Variants in SEC14L1 observed in about 807,000 individuals in gnomAD.
SEC14L1 encodes SEC14-like protein 1.
A neutral mutation model predicts 85.3 loss-of-function variants in SEC14L1; 48 were observed. The ratio of observed to expected loss-of-function variants is 0.56; its 90% confidence interval spans 0.45 to 0.72. The LOEUF is 0.72. Ranked by LOEUF, SEC14L1 falls within the 30% of genes least tolerant of loss-of-function variation. The pLI is 0.00. For missense variants in SEC14L1, 682 were observed against 921.4 expected (o/e 0.74, Z 3.36); for synonymous variants, 391 against 355.5 (o/e 1.10, Z -1.12).
rs1280650109 is a variant in SEC14L1 at position 77,196,185 on chromosome 17, T to C, written c.710-17T>C. On this transcript the variant is annotated splice_polypyrimidine_tract_variant and intron_variant, in intron 7 of 16. Coordinates refer to ENST00000436233, the MANE Select transcript of SEC14L1 (RefSeq NM_001143998.2). ...TCCAGTGTTCTTTGTTGTAAATAAA[T>C]GTCACTTACATTCCAGACAAACTAG... The C allele has an allele frequency of 1.3e-6, 2 of 1,582,756 alleles. No individual in the cohort carries two copies. Among genetic ancestry groups the C allele is most frequent in the Non-Finnish European group, 1.7e-6 (2 of 1,151,716 alleles).
chr17:77,214,057 A>G lies in SEC14L1; in HGVS notation c.*34A>G. 6.3e-7 allele frequency: 1 copy of G among 1,594,768 alleles called. No homozygotes were observed. Among genetic ancestry groups the G allele is most frequent in the South Asian group, 1.1e-5 (1 of 89,156 alleles). ...TGCCTGCACCTAGTGTGCAGAGGGG[A>G]CGGCCGCCCCTCCTCGGACAGCCAG... On this transcript the variant is annotated 3_prime_UTR_variant, in exon 17 of 17. Transcript: ENST00000436233.
rs746733097 is a variant in SEC14L1 at position 77,194,765 on chromosome 17, C to T, written c.563C>T (p.Thr188Ile). Residue 188 changes from threonine to isoleucine, a missense_variant, in exon 7 of 17, where the codon ACC becomes ATC. Thr to Ile is a moderately conservative substitution (Grantham distance 89). This residue lies in a region of SEC14L1 where 123 missense variants were observed against 100.6 expected (regional missense o/e 1.22). Transcript: ENST00000436233. ...VPRWSPPSITTSSETSSSSSK... is the reference protein window; with the variant it reads ...VPRWSPPSITISSETSSSSSK... ...CGTTGGAGTCCGCCTTCCATCACGA[C>T]CTCTTCAGAGACATCTTCATCATCC... 6.2e-7 allele frequency: 1 copy of T among 1,614,176 alleles called. No homozygotes were observed. The highest frequency in any genetic ancestry group is 8.5e-7 in the Non-Finnish European group (1 of 1,180,022).
intron 3 of SEC14L1, among the ~76,000 whole-genome samples, chr17:77,117,085 T>G (rs763757880): frequency 1.1e-4 from 17 of 152,224 alleles, no homozygotes; most frequent in Admixed American, 2.0e-4. Flanking sequence ...CAGTGGCTCA[T>G]GCCTGTAATC....
intron 3 of SEC14L1, among the ~76,000 whole-genome samples, chr17:77,177,945 T>TG (rs988833376): frequency 1.3e-5 from 2 of 152,054 alleles, no homozygotes; most frequent in African/African-American, 4.8e-5. Context: ...GGGACAGAGT[T>TG]GGGGGTGTCA....
At chr17:77,131,225 T>C (rs1386392464) in intron 3 of SEC14L1, among the ~76,000 whole-genome samples, 1 of 152,230 alleles carries the variant, frequency 6.6e-6, no homozygotes, top group Non-Finnish European at 1.5e-5. Flanking sequence ...GTGTCTGTCC[T>C]ATAGAGCAGG....
At chr17:77,127,973 C>T (rs1972500649) in intron 3 of SEC14L1, 2 of 152,202 alleles carry the variant, frequency 1.3e-5, no homozygotes, top group African/African-American at 4.8e-5. Flanking sequence ...ACAGACCTTC[C>T]CAGAGCTGCA....
chr17:77,110,970 G>T, intron 3 of SEC14L1, among the ~76,000 whole-genome samples: 1 of 151,700 alleles, frequency 6.6e-6, no homozygotes, highest in African/African-American at 2.4e-5. Flanking sequence ...GAGGCAGGAG[G>T]ATCACTTGAG....
intron 3 of SEC14L1, among the ~76,000 whole-genome samples, chr17:77,103,381 G>A (rs897792076): frequency 2.6e-5 from 4 of 151,606 alleles, no homozygotes; most frequent in Non-Finnish European, 5.9e-5. Flanking sequence ...CCAAAGTCCC[G>A]GGATTACAGG....
chr17:77,150,890 C>T (rs1973526598), intron 3 of SEC14L1, among the ~76,000 whole-genome samples: 1 of 152,206 alleles, frequency 6.6e-6, no homozygotes, highest in African/African-American at 2.4e-5. Context: ...CTGTGCACGT[C>T]AGATTTTCAG....
chr17:77,193,821 T>A (rs569976239), intron 6 of SEC14L1, among the ~76,000 whole-genome samples: 2 of 152,336 alleles, frequency 1.3e-5, no homozygotes, highest in Non-Finnish European at 1.5e-5. Flanking sequence ...CAGCAGCAGC[T>A]GGCACACAGC....
chr17:77,154,879 T>C (rs1973738187), intron 3 of SEC14L1, among the ~76,000 whole-genome samples: 2 of 152,334 alleles, frequency 1.3e-5, no homozygotes, highest in South Asian at 4.1e-4. Flanking sequence ...CTTTTCCTTT[T>C]AGGGGTCCGG....
At chr17:77,184,349 C>T (rs542269250) in intron 3 of SEC14L1, among the ~76,000 whole-genome samples, 3 of 152,302 alleles carry the variant, frequency 2.0e-5, no homozygotes, top group Non-Finnish European at 4.4e-5. Flanking sequence ...CTTACGTTAG[C>T]ATTCATTGAT....
intron 3 of SEC14L1, among the ~76,000 whole-genome samples, chr17:77,160,720 G>C (rs1458741011): frequency 1.3e-5 from 2 of 152,094 alleles, no homozygotes; most frequent in African/African-American, 4.8e-5. Context: ...GGTTGTCTTT[G>C]TACTTTTATT....
intron 6 of SEC14L1, 136 bp downstream of exon 6, chr17:77,193,685 C>T (rs1362135202): frequency 2.2e-6 from 2 of 889,430 alleles, no homozygotes; most frequent in Non-Finnish European, 3.4e-6. Flanking sequence ...TCCCTACCCC[C>T]TGCCTCATCT....
At position 77,194,885 on chromosome 17, in the gene SEC14L1, C is replaced by T; in HGVS notation, c.683C>T (p.Pro228Leu). The T allele has an allele frequency of 6.2e-7, 1 of 1,614,174 alleles. No individual in the cohort carries two copies. The highest frequency in any genetic ancestry group is 1.1e-5 in the South Asian group (1 of 91,086). ...GATGCCCTCAGCAGCCCCAGCGCACCTGAGCCCGTGGTGGGCACCCCTGAC... is the reference window on the plus strand; with the variant it reads ...GATGCCCTCAGCAGCCCCAGCGCACTTGAGCCCGTGGTGGGCACCCCTGAC... ...SGDALSSPSAPEPVVGTPDDK... is the reference protein window; with the variant it reads ...SGDALSSPSALEPVVGTPDDK... Residue 228 changes from proline (P) to leucine (L), a missense_variant, in exon 7 of 17, where the codon CCT becomes CTT. Physicochemically the swap from Pro to Leu is moderately conservative, Grantham distance 98 (BLOSUM62 -3). Around this residue, in one of 3 missense-constraint regions of SEC14L1, gnomAD observed 123 missense variants for 100.6 expected, o/e 1.22. Coordinates refer to ENST00000436233, the MANE Select transcript of SEC14L1 (RefSeq NM_001143998.2).
chr17:77,154,057 C>A (rs556186779), intron 3 of SEC14L1, among the ~76,000 whole-genome samples: 1 of 152,178 alleles, frequency 6.6e-6, no homozygotes, highest in East Asian at 1.9e-4. Context: ...CAGAAATGTT[C>A]AGGAAAAACA....
chr17:77,151,922 A>G (rs1973577811), intron 3 of SEC14L1, among the ~76,000 whole-genome samples: 1 of 152,218 alleles, frequency 6.6e-6, no homozygotes, highest in African/African-American at 2.4e-5. Flanking sequence ...GATTTCAGGT[A>G]TCTTGTTAAT....
intron 3 of SEC14L1, among the ~76,000 whole-genome samples, chr17:77,187,818 C>G (rs1028748057): frequency 1.3e-5 from 2 of 149,454 alleles, no homozygotes; most frequent in African/African-American, 2.5e-5. Context: ...AATCACAGGT[C>G]ACTGCAGCCT....
intron 3 of SEC14L1, among the ~76,000 whole-genome samples, chr17:77,162,174 C>T (rs76585072): frequency 0.076 from 11,487 of 151,732 alleles, 520 homozygotes; most frequent in East Asian, 0.27. Context: ...GGGGAGGGAC[C>T]GGCTCTCTGA....
Sources: allele counts gnomAD v4.1 joint callset (sites outside exome capture counted in the v4.1 genomes callset), GRCh38; gene constraint gnomAD v4.1.1; regional missense constraint gnomAD v4.1.1; transcripts MANE v1.5; gene names NCBI Gene and HGNC (gene_info 2026-07-23, HGNC 2026-07-21).